The following ZNF268 variants were observed in gnomAD, a reference collection of about 807,000 sequenced individuals.
ZNF268 encodes the protein zinc finger protein 3.
In ZNF268, 20 loss-of-function variants were observed where a neutral mutation model predicts 29.3. The observed-to-expected ratio is 0.68, with a 90% CI of 0.48 to 0.99. ZNF268 has a LOEUF of 0.99. ZNF268 is among the 50% of genes least tolerant of loss of function. ZNF268 has a pLI of 0.00. For missense variants in ZNF268, 1,240 were observed against 1,121.6 expected, an observed-to-expected ratio of 1.11 and a Z score of -1.51; for synonymous variants, 429 against 376.9, an observed-to-expected ratio of 1.14 and a Z score of -1.60.
chr12:133,193,254 G>A (rs920321043), intron 5 of ZNF268, among the ~76,000 whole-genome samples: 2 of 152,132 alleles, frequency 1.3e-5, no homozygotes, highest in Non-Finnish European at 2.9e-5. Flanking sequence ...GATTGCTTGA[G>A]CCCATGAATT....
At chr12:133,200,379 TGTC>T (rs1248999124) in intron 5 of ZNF268, among the ~76,000 whole-genome samples, 1 of 152,242 alleles carries the variant, frequency 6.6e-6, no homozygotes, top group Non-Finnish European at 1.5e-5. Context: ...TTGATTGCAC[TGTC>T]GTCTTAGAGA....
At chr12:133,183,168 C>CCCGT (rs1432328977) in intron 2 of ZNF268, among the ~76,000 whole-genome samples, 1 of 152,204 alleles carries the variant, frequency 6.6e-6, no homozygotes, top group Non-Finnish European at 1.5e-5. Context: ...CACCCGACTG[C>CCCGT]CCGTCCATGG....
chr12:133,212,176 A>G lies in ZNF268; in HGVS notation c.*7646A>G, dbSNP rs1156326476. 1.3e-5 allele frequency: 2 copies of G among 152,156 alleles called. No individual in the cohort carries two copies. The highest frequency in any genetic ancestry group is 2.9e-5 in the Non-Finnish European group (2 of 68,038). 9.4% of individuals were successfully genotyped at this position (152,156 alleles called of 1,614,324 possible). A position where few individuals can be genotyped will look rare whatever the true frequency, so the allele number is the denominator to read the frequency against. ...GAAAAGCAGAAACTACAGGGGTAGC[A>G]AACATATCTGTGATTGATGACGGTT... On this transcript the variant is annotated 3_prime_UTR_variant, in exon 6 of 6. Transcript: ENST00000536435.
At position 133,202,931 on chromosome 12, in the gene ZNF268, A is replaced by G. The variant is rs892778464; in HGVS notation, c.1245A>G (p.Pro415=). 1.3e-6 allele frequency: 2 copies of G among 1,545,390 alleles called. No homozygotes were observed. Among genetic ancestry groups the G allele is most frequent in the South Asian group, 1.2e-5 (1 of 84,638 alleles). The part of the protein sequence containing the change: ...IHERIHTGEK[P]YECNECQKAF... ...AAAGAATTCATACAGGAGAGAAACC[A>G]TATGAATGCAATGAATGTCAGAAAG... The change falls in exon 6 of 6, where the codon CCA becomes CCG. Residue 415 remains proline, a synonymous_variant. Coordinates refer to ENST00000536435, the MANE Select transcript of ZNF268 (RefSeq NM_003415.3).
chr12:133,182,871 T>G (rs1956213331), intron 2 of ZNF268, among the ~76,000 whole-genome samples: 1 of 152,080 alleles, frequency 6.6e-6, no homozygotes, highest in African/African-American at 2.4e-5. Flanking sequence ...AGGACCCCAT[T>G]AAAAACTTGG....
In ZNF268 at chr12:133,210,719, T is replaced by C; in HGVS notation, c.*6189T>C. ...TTCCCCCCTGCCAAGGGTCCCCAGG[T>C]CAGTCCTGAGGAGAAGGCAGCTCAG... On this transcript the variant is annotated 3_prime_UTR_variant, in exon 6 of 6. Transcript: ENST00000536435. 1 of 410,500 alleles carries C rather than the reference T, an allele frequency of 2.4e-6. No individual in the cohort carries two copies. 25.4% of individuals were successfully genotyped at this position (410,500 alleles called of 1,614,324 possible).
intron 5 of ZNF268, among the ~76,000 whole-genome samples, chr12:133,193,877 C>T (rs1956534818): frequency 6.6e-6 from 1 of 152,158 alleles, no homozygotes; most frequent in Non-Finnish European, 1.5e-5. Flanking sequence ...CACTGCTCCA[C>T]CTACATACCA....
At chr12:133,197,390 G>T (rs963927972) in intron 5 of ZNF268, among the ~76,000 whole-genome samples, 1 of 151,144 alleles carries the variant, frequency 6.6e-6, no homozygotes, top group Admixed American at 6.6e-5. Flanking sequence ...TGGCTGCATA[G>T]TATTCCATGG....
intron 3 of ZNF268, among the ~76,000 whole-genome samples, chr12:133,188,393 C>T (rs1309368515): frequency 6.6e-6 from 1 of 151,954 alleles, no homozygotes; most frequent in Non-Finnish European, 1.5e-5. Context: ...GAGGAGGTCT[C>T]CCTGTGTGGC....
In ZNF268 at chr12:133,187,740, C is replaced by G. The variant is rs575321595; in HGVS notation, c.34-132C>G. ...AAGCCATTTCTTTTCTGCCTCTAAC[C>G]CTGCATTTCCTGAAGTTAAACCTGC... is the stretch of plus-strand genomic sequence containing the variant. On this transcript the variant is annotated intron_variant, in intron 2 of 5. Transcript: ENST00000536435. 7.0e-6 allele frequency: 6 copies of G among 855,016 alleles called. No individual in the cohort carries two copies. The East Asian group carries it at 1.6e-4, about 23-fold the overall frequency. The allele number at this position is 855,016 out of a possible 1,614,324, so 53.0% of individuals were successfully genotyped here. A position where few individuals can be genotyped will look rare whatever the true frequency, so the allele number is the denominator to read the frequency against.
In ZNF268 at chr12:133,199,819, G is replaced by A. The variant is rs182103698; in HGVS notation, c.458-2325G>A. On this transcript the variant is annotated intron_variant, in intron 5 of 5. Transcript: ENST00000536435. ...TTTCTTTAGATTTTCTAGTTTATTTGCATAGAGGTGTTTGTAGCATTCTCT... is the reference window on the plus strand; with the variant it reads ...TTTCTTTAGATTTTCTAGTTTATTTACATAGAGGTGTTTGTAGCATTCTCT... 8.8e-4 allele frequency among the ~76,000 whole-genome samples: 134 copies of A among 152,302 alleles called. 4 individuals are homozygous for A. The East Asian group carries it at 0.018, about 20-fold the overall frequency.
rs1956791918 is a variant in ZNF268 at position 133,202,987 on chromosome 12, A to G, written c.1301A>G (p.His434Arg). ...AFNTKSNLMV[H>R]QRTHTGEKPY... Reference sequence around the variant, plus strand: ...AATACAAAGTCAAACCTTATGGTACATCAGAGAACCCATACAGGGGAGAAA... The same window carrying G: ...AATACAAAGTCAAACCTTATGGTACGTCAGAGAACCCATACAGGGGAGAAA... The change falls in exon 6 of 6, where the codon CAT (histidine) becomes CGT (arginine). Residue 434 changes from histidine (H) to arginine (R), a missense_variant. By Grantham distance (29) the His-to-Arg change is conservative. Coordinates refer to ENST00000536435, the MANE Select transcript of ZNF268 (RefSeq NM_003415.3). The G allele has an allele frequency of 6.5e-7, 1 of 1,549,182 alleles. No individual in the cohort carries two copies. The highest frequency in any genetic ancestry group is 8.7e-7 in the Non-Finnish European group (1 of 1,152,630).
rs1209013965 is a variant in ZNF268 at position 133,214,273 on chromosome 12, C to T, written c.*9743C>T. 1 of 152,016 alleles carries T rather than the reference C, an allele frequency of 6.6e-6. No individual in the cohort carries two copies. The highest frequency in any genetic ancestry group is 1.9e-4 in the East Asian group (1 of 5,186). 9.4% of individuals were successfully genotyped at this position (152,016 alleles called of 1,614,324 possible). A position where few individuals can be genotyped will look rare whatever the true frequency, so the allele number is the denominator to read the frequency against. Reference sequence around the variant, plus strand: ...ATGTCTTATTATTTTAAAAACAAACCAGAAACAAGTATTGACAAAGAAGTG... The same window carrying T: ...ATGTCTTATTATTTTAAAAACAAACTAGAAACAAGTATTGACAAAGAAGTG... On this transcript the variant is annotated 3_prime_UTR_variant, in exon 6 of 6. Transcript: ENST00000536435.
rs757833499 is a variant in ZNF268, at chr12:133,191,887, CTG to C, written c.362-18_362-17del. 1.2e-6 allele frequency: 2 copies of C among 1,609,130 alleles called. No individual in the cohort carries two copies. Among genetic ancestry groups the C allele is most frequent in the Non-Finnish European group, 1.7e-6 (2 of 1,175,512 alleles). On this transcript the variant is annotated intron_variant, in intron 4 of 5. Coordinates refer to ENST00000536435, the MANE Select transcript of ZNF268 (RefSeq NM_003415.3). ...TCTCAAGCTGTTTGTTCCAGGTTGT[CTG>C]TGATTTTTCTATTTATAGGGTACCA...
rs932443813 is a variant in ZNF268 at position 133,209,895 on chromosome 12, A to G, written c.*5365A>G. On this transcript the variant is annotated 3_prime_UTR_variant, in exon 6 of 6. Coordinates refer to ENST00000536435, the MANE Select transcript of ZNF268 (RefSeq NM_003415.3). Reference sequence around the variant, plus strand: ...CAGGGTGATCCCACAGGTGCTGTTCATCCCCAACTTTGACCTGGACTGTTG... The same window carrying G: ...CAGGGTGATCCCACAGGTGCTGTTCGTCCCCAACTTTGACCTGGACTGTTG... The G allele has an allele frequency of 1.3e-5, 2 of 152,214 alleles. No individual in the cohort carries two copies. The highest frequency in any genetic ancestry group is 6.5e-5 in the Admixed American group (1 of 15,284). The allele number at this position is 152,214 out of a possible 1,614,324, so 9.4% of individuals were successfully genotyped here.
At chr12:133,183,866 G>C (rs1017959100) in intron 2 of ZNF268, among the ~76,000 whole-genome samples, 3 of 152,064 alleles carry the variant, frequency 2.0e-5, no homozygotes, top group Admixed American at 6.6e-5. Flanking sequence ...AGAAAAGTAA[G>C]ACAAAATAGA....
intron 2 of ZNF268, among the ~76,000 whole-genome samples, chr12:133,183,441 A>C (rs990165723): frequency 1.3e-5 from 2 of 151,804 alleles, no homozygotes; most frequent in Admixed American, 1.3e-4. Context: ...CAGAGGTTGC[A>C]GTCAGCCGAG....
chr12:133,200,982 G>C (rs567202437), intron 5 of ZNF268, among the ~76,000 whole-genome samples: 1 of 152,012 alleles, frequency 6.6e-6, no homozygotes, highest in South Asian at 2.1e-4. Flanking sequence ...CCATCATTCT[G>C]ATACAGTTAT....
At chr12:133,190,798 T>A (rs1336132210) in intron 3 of ZNF268, among the ~76,000 whole-genome samples, 1 of 152,198 alleles carries the variant, frequency 6.6e-6, no homozygotes, top group East Asian at 1.9e-4. Context: ...TCTTTGACTT[T>A]CAGTTGCATT....
Sources: allele counts gnomAD v4.1 joint callset (sites outside exome capture counted in the v4.1 genomes callset), GRCh38; gene constraint gnomAD v4.1.1; transcripts MANE v1.5; gene names NCBI Gene and HGNC (gene_info 2026-07-23, HGNC 2026-07-21).